AGRN: variants seen among roughly 807,000 people sequenced by gnomAD.
The protein encoded by AGRN is agrin proteoglycan.
AGRN carries 106 observed loss-of-function variants against 211.0 expected under a neutral mutation model. The ratio of observed to expected loss-of-function variants is 0.50; its 90% CI spans 0.43 to 0.59. AGRN has a LOEUF of 0.59. AGRN is among the 20% of genes least tolerant of loss of function. The pLI is 0.00. For synonymous variants in AGRN, 1,525 were observed against 1,332.5 expected, an observed-to-expected ratio of 1.14 and a Z score of -3.15; for missense variants, 3,040 against 2,982.6, an observed-to-expected ratio of 1.02 and a Z score of -0.45.
At position 1,046,690 on chromosome 1, in the gene AGRN, G is replaced by A. The variant is rs753587584; in HGVS notation, c.3205G>A (p.Glu1069Lys). ...ESGSTDGSSDEELSGDQEASG... is the reference protein window; with the variant it reads ...ESGSTDGSSDKELSGDQEASG... ...TGGCAGCACTGATGGAAGCAGCGATGAGGAACTGAGCGGGGACCAGGAGGC... is the reference window on the plus strand; with the variant it reads ...TGGCAGCACTGATGGAAGCAGCGATAAGGAACTGAGCGGGGACCAGGAGGC... Residue 1069 changes from glutamate to lysine, a missense_variant, in exon 18 of 36, where the codon GAG becomes AAG. Around this residue, in one of 3 missense-constraint regions of AGRN, gnomAD observed 1,537 missense variants for 1,505.0 expected, o/e 1.02. Transcript: ENST00000379370. The A allele has an allele frequency of 6.6e-5, 105 of 1,585,746 alleles. No homozygotes were observed. Among genetic ancestry groups the A allele is most frequent in the Non-Finnish European group, 8.7e-5 (102 of 1,171,804 alleles).
At chr1:1,036,968 G>T (rs1486612169) in intron 3 of AGRN, among the ~76,000 whole-genome samples, 1 of 152,160 alleles carries the variant, frequency 6.6e-6, no homozygotes, top group Non-Finnish European at 1.5e-5. Flanking sequence ...CCTGCAACAG[G>T]CTGGGAGAGC....
chr1:1,044,940 T>TCTGTGTGTTGTGTGTTC (rs1383883290), intron 12 of AGRN, among the ~76,000 whole-genome samples: 1 of 152,184 alleles, frequency 6.6e-6, no homozygotes, highest in African/African-American at 2.4e-5. Flanking sequence ...CTTTGGATGC[T>TCTGTGTGTTGTGTGTTC]CTGTGTGTTG....
At position 1,043,370 on chromosome 1, in the gene AGRN, G is replaced by T; in HGVS notation, c.1516G>T (p.Gly506Cys). 1 of 1,610,122 alleles carries T rather than the reference G, an allele frequency of 6.2e-7. No homozygotes were observed. The highest frequency in any genetic ancestry group is 8.5e-7 in the Non-Finnish European group (1 of 1,178,852). The stretch of plus-strand genomic sequence containing the variant: ...CTACGATCCTGTGTGCGGCAGCGAC[G>T]GCGTCACATACGGCAGCGCGTGCGA... ...SLYDPVCGSD[G>C]VTYGSACELE... is the part of the protein sequence containing the mutation. Residue 506 changes from glycine (G) to cysteine (C), a missense_variant, in exon 8 of 36, where the codon GGC becomes TGC. Transcript: ENST00000379370.
intron 6 of AGRN, 26 bp from the exon 7 acceptor site, chr1:1,041,930 G>T (rs1170037868): frequency 6.2e-7 from 1 of 1,609,948 alleles, no homozygotes; most frequent in South Asian, 1.1e-5. Flanking sequence ...CAGCCTCTCC[G>T]TGACTCCCTC....
rs1644684853 is a variant in AGRN at position 1,031,915 on chromosome 1, T to C, written c.464-3362T>C. Among the ~76,000 whole-genome samples, 1 of 152,202 alleles carries C rather than the reference T, an allele frequency of 6.6e-6. No individual in the cohort carries two copies. Among genetic ancestry groups the C allele is most frequent in the African/African-American group, 2.4e-5 (1 of 41,454 alleles). On this transcript the variant is annotated intron_variant, in intron 2 of 35. Transcript: ENST00000379370. This position sits in a 1 kb window ranked among gnomAD's most constrained non-coding sequence, Gnocchi z 4.8. ...GAGCTGGGAGGTGAGAAATGGGGAA[T>C]GCATGTGAACCACCTGCCTCTGCAC...
chr1:1,034,092 C>T lies in AGRN; in HGVS notation c.464-1185C>T, dbSNP rs530358661. ...CGCTTTCTTCTCGCTCCCGACGCGG[C>T]CGCCCCTCCTGCCTGCCCGCTCCTA... On this transcript the variant is annotated intron_variant, in intron 2 of 35. Transcript: ENST00000379370. 3.2e-5 allele frequency: 31 copies of T among 981,848 alleles called. No homozygotes were observed. In the South Asian group the frequency reaches 1.2e-3, roughly 37 times the overall value. The allele number at this position is 981,848 out of a possible 1,614,324, so 60.8% of individuals were successfully genotyped here.
At chr1:1,020,482 G>C in intron 1 of AGRN, 109 bp downstream of exon 1, 1 of 1,124,858 alleles carries the variant, frequency 8.9e-7, no homozygotes, top group Non-Finnish European at 1.2e-6. Context: ...CCCCGCTCCG[G>C]CTCCCTTGGC....
Position 1,046,283 on chromosome 1 carries a change from C to G in AGRN, c.2911+18C>G, listed in dbSNP as rs1427558136. The G allele has an allele frequency of 1.2e-6, 2 of 1,613,114 alleles. No individual in the cohort carries two copies. The highest frequency in any genetic ancestry group is 1.7e-5 in the Admixed American group (1 of 60,022). ...GTGCCAGGGTGAGGCCTGACGGCCA[C>G]TGCCCCAGAACTGACCAGGAAGGCC... On this transcript the variant is annotated intron_variant, in intron 17 of 35. Coordinates refer to ENST00000379370, the MANE Select transcript of AGRN (RefSeq NM_198576.4).
At chr1:1,024,768 C>T (rs1644482076) in intron 2 of AGRN, among the ~76,000 whole-genome samples, 1 of 152,142 alleles carries the variant, frequency 6.6e-6, no homozygotes, top group South Asian at 2.1e-4. Flanking sequence ...CAGTCAACAA[C>T]CCTCAGAAAG....
In AGRN at chr1:1,051,355, G is replaced by C. The variant is rs1465854082; in HGVS notation, c.5356G>C (p.Gly1786Arg). Residue 1786 changes from glycine (G) to arginine (R), a missense_variant, in exon 31 of 36, where the codon GGT becomes CGT. Transcript: ENST00000379370. Reference protein sequence around the residue: ...RAAAVSSGFDGAIQLVSLGGR... With the variant: ...RAAAVSSGFDRAIQLVSLGGR... ...TGCTGCCGTGTCCTCTGGCTTCGAC[G>C]GTGCCATCCAGCTGGTATGTGGGGG... The C allele has an allele frequency of 4.5e-6, 7 of 1,566,152 alleles. No homozygotes were observed. The highest frequency in any genetic ancestry group is 6.1e-6 in the Non-Finnish European group (7 of 1,156,550).
chr1:1,044,562 T>A, intron 12 of AGRN, 123 bp downstream of exon 12: 1 of 1,059,614 alleles, frequency 9.4e-7, no homozygotes, highest in Non-Finnish European at 1.4e-6. Flanking sequence ...GTGTTGTAAG[T>A]GAGCATCGTC....
rs1334909221 is a variant in AGRN, at chr1:1,031,235, C to T, written c.464-4042C>T. On this transcript the variant is annotated intron_variant, in intron 2 of 35. Transcript: ENST00000379370. The surrounding 1 kb of genome is among the most constrained non-coding windows in gnomAD (Gnocchi z 4.8). ...GCAGTGCATGGTGCTGTGAGTGTAT[C>T]AGCATGTCTGTGTGTGTGCAGTGCA... Among the ~76,000 whole-genome samples the T allele has an allele frequency of 1.4e-5, 2 of 138,024 alleles. No individual in the cohort carries two copies. 90.5% of individuals were successfully genotyped at this position (138,024 alleles called of 152,430 possible). A position where few individuals can be genotyped will look rare whatever the true frequency, so the allele number is the denominator to read the frequency against.
chr1:1,051,081 C>T, intron 30 of AGRN, 172 bp from the exon 31 acceptor site: 1 of 1,548,486 alleles, frequency 6.5e-7, no homozygotes, highest in Non-Finnish European at 8.7e-7. Flanking sequence ...GTCTCTGGCG[C>T]CTCAACCCCT....
intron 1 of AGRN, among the ~76,000 whole-genome samples, chr1:1,020,855 GGGCGTGCAGGAGCAGAGAGGTGGGC>G (rs1644385397): frequency 6.6e-6 from 1 of 150,702 alleles, no homozygotes; most frequent in Non-Finnish European, 1.5e-5. Flanking sequence ...TGCGGGGGGG[GGGCGTGCAGGAGCAGAGAGGTGGGC>G]GGGGCCGTCA....
At chr1:1,042,347 G>T (rs1318212901) in intron 7 of AGRN, among the ~76,000 whole-genome samples, 185 bp downstream of exon 7, 1 of 152,210 alleles carries the variant, frequency 6.6e-6, no homozygotes, top group Non-Finnish European at 1.5e-5. Context: ...CCTGGGGGCT[G>T]GTGAGGCAGA....
chr1:1,025,517 C>T (rs1644501063), intron 2 of AGRN, among the ~76,000 whole-genome samples: 1 of 152,068 alleles, frequency 6.6e-6, no homozygotes, highest in Admixed American at 6.5e-5. Flanking sequence ...CTGGGGCCAG[C>T]CCCCTCTCCT....
intron 19 of AGRN, 183 bp downstream of exon 19, chr1:1,047,140 C>G: frequency 7.4e-7 from 1 of 1,350,918 alleles, no homozygotes; most frequent in African/African-American, 1.5e-5. Context: ...CGGTGTGGCA[C>G]ACTGCTCTGA....
intron 2 of AGRN, among the ~76,000 whole-genome samples, chr1:1,029,622 G>A (rs1644606312): frequency 8.1e-6 from 1 of 123,970 alleles, no homozygotes; most frequent in African/African-American, 3.1e-5. Context: ...GGTGCTGTGA[G>A]ATCAGCATGT....
At chr1:1,050,098 C>T (rs1232167635) in intron 27 of AGRN, 61 bp downstream of exon 27, 3 of 1,562,032 alleles carry the variant, frequency 1.9e-6, no homozygotes, top group Non-Finnish European at 2.6e-6. Context: ...TGGGCGGGTA[C>T]AGGTTCCAGG....
Sources: allele counts gnomAD v4.1 joint callset (sites outside exome capture counted in the v4.1 genomes callset), GRCh38; gene constraint gnomAD v4.1.1; regional missense constraint gnomAD v4.1.1; non-coding constraint Gnocchi (gnomAD v3.1); transcripts MANE v1.5; gene names NCBI Gene and HGNC (gene_info 2026-07-23, HGNC 2026-07-21).